SEL1L3: variants seen among roughly 807,000 people sequenced by gnomAD.
SEL1L3 encodes the protein SEL1L family member 3.
In SEL1L3, 76 loss-of-function variants were observed where a neutral mutation model predicts 142.8. The observed-to-expected ratio is 0.53, with a 90% CI of 0.44 to 0.64. The LOEUF (loss-of-function observed/expected upper bound fraction) is 0.64. Ranked by LOEUF, SEL1L3 falls within the 30% of genes least tolerant of loss-of-function variation. The pLI is 0.00. For synonymous variants in SEL1L3, 504 were observed against 519.6 expected (o/e 0.97, Z 0.41); for missense variants, 1,262 against 1,381.7 (o/e 0.91, Z 1.37).
At chr4:25,754,439 C>T (rs923788969) in intron 23 of SEL1L3, among the ~76,000 whole-genome samples, 2 of 151,184 alleles carry the variant, frequency 1.3e-5, no homozygotes, top group Admixed American at 1.3e-4. Flanking sequence ...ACCTCCGTCT[C>T]CGGGGTTCAA....
intron 17 of SEL1L3, chr4:25,773,598 A>G (rs1487535885): frequency 6.6e-6 from 1 of 152,126 alleles, no homozygotes; most frequent in Non-Finnish European, 1.5e-5. Context: ...TTTGATAAGC[A>G]TCTAAGAAAC....
intron 6 of SEL1L3, among the ~76,000 whole-genome samples, chr4:25,829,378 T>A (rs1448165543): frequency 6.6e-6 from 1 of 152,258 alleles, no homozygotes; most frequent in Non-Finnish European, 1.5e-5. Flanking sequence ...ACAAAATGCA[T>A]TTATTACCCC....
the SEL1L3 span, among the ~76,000 whole-genome samples, chr4:25,739,790 G>C: frequency 2.0e-5 from 3 of 147,094 alleles, no homozygotes; most frequent in African/African-American, 7.9e-5. Flanking sequence ...GTGTGTGTGT[G>C]TGTAGAAACA....
the SEL1L3 span, among the ~76,000 whole-genome samples, chr4:25,735,159 A>G: frequency 6.6e-6 from 1 of 152,114 alleles, no homozygotes; most frequent in Non-Finnish European, 1.5e-5. Flanking sequence ...ATAGATTTTA[A>G]CTATGAATTC....
the SEL1L3 span, among the ~76,000 whole-genome samples, chr4:25,733,325 C>T: frequency 2.0e-5 from 3 of 151,922 alleles, no homozygotes; most frequent in Non-Finnish European, 1.5e-5. Context: ...TTTTAGAATA[C>T]AGGTCTTGTA....
intron 16 of SEL1L3, 121 bp from the exon 17 acceptor site, chr4:25,776,481 A>C (rs780485550): frequency 7.3e-6 from 5 of 683,928 alleles, no homozygotes; most frequent in Non-Finnish European, 1.3e-5. Context: ...ATTTTTATAG[A>C]GCAACAAACC....
At chr4:25,786,328 G>A (rs570780746) in intron 13 of SEL1L3, among the ~76,000 whole-genome samples, 11 of 152,240 alleles carry the variant, frequency 7.2e-5, no homozygotes, top group African/African-American at 2.6e-4. Flanking sequence ...AGCCACAGGC[G>A]GAAATCTTCC....
intron 19 of SEL1L3, among the ~76,000 whole-genome samples, chr4:25,766,294 G>T (rs1218947202): frequency 6.6e-6 from 1 of 152,032 alleles, no homozygotes; most frequent in South Asian, 2.1e-4. Context: ...ACAGAAATTA[G>T]CCAGGAATGG....
intron 11 of SEL1L3, among the ~76,000 whole-genome samples, chr4:25,798,729 G>A (rs2109212278): frequency 6.6e-6 from 1 of 152,338 alleles, no homozygotes; most frequent in East Asian, 1.9e-4. Flanking sequence ...TCGGGAGGCT[G>A]AGGCAGGAGG....
intron 23 of SEL1L3, among the ~76,000 whole-genome samples, chr4:25,753,737 A>G (rs1208506035): frequency 6.6e-6 from 1 of 152,178 alleles, no homozygotes; most frequent in African/African-American, 2.4e-5. Flanking sequence ...TAGTCCCAGC[A>G]CTTTGGGAGT....
intron 1 of SEL1L3, among the ~76,000 whole-genome samples, chr4:25,857,514 A>G (rs1035008864): frequency 5.3e-5 from 8 of 152,188 alleles, no homozygotes; most frequent in African/African-American, 1.9e-4. Context: ...TCCACCTCTC[A>G]CATGGGACCT....
chr4:25,765,324 A>T lies in SEL1L3; in HGVS notation c.2955+2T>A. On this transcript the variant is annotated splice_donor_variant, in intron 20 of 23. Coordinates refer to ENST00000399878, the MANE Select transcript of SEL1L3 (RefSeq NM_015187.5). LOFTEE classifies it high-confidence loss of function. ...CTGGTTTTTGTTGCGGTTGCTGTTTACCTGGGAGTCTCCATCCAGGGCGGC... is the reference window on the plus strand; with the variant it reads ...CTGGTTTTTGTTGCGGTTGCTGTTTTCCTGGGAGTCTCCATCCAGGGCGGC... 6.3e-7 allele frequency: 1 copy of T among 1,599,148 alleles called. No homozygotes were observed. The highest frequency in any genetic ancestry group is 8.6e-7 in the Non-Finnish European group (1 of 1,166,772).
chr4:25,745,670 A>G (rs890184363), downstream of SEL1L3, among the ~76,000 whole-genome samples: 1 of 152,248 alleles, frequency 6.6e-6, no homozygotes, highest in African/African-American at 2.4e-5. Context: ...GATGCTGTTT[A>G]GCATCTACAA....
intron 9 of SEL1L3, among the ~76,000 whole-genome samples, chr4:25,815,725 G>A (rs998866689): frequency 2.6e-5 from 4 of 152,046 alleles, no homozygotes; most frequent in Non-Finnish European, 4.4e-5. Flanking sequence ...ACCATCCAAC[G>A]GAAACCTGGA....
intron 12 of SEL1L3, among the ~76,000 whole-genome samples, chr4:25,789,189 T>C (rs1393659263): frequency 6.6e-6 from 1 of 152,178 alleles, no homozygotes; most frequent in East Asian, 1.9e-4. Context: ...TCTCCTCTCA[T>C]CTCGTTCTCT....
chr4:25,731,706 A>G, the SEL1L3 span, among the ~76,000 whole-genome samples: 1 of 152,144 alleles, frequency 6.6e-6, no homozygotes, highest in Non-Finnish European at 1.5e-5. Flanking sequence ...GTATGAATAT[A>G]CCATAATTTT....
intron 11 of SEL1L3, among the ~76,000 whole-genome samples, chr4:25,800,725 A>AT (rs1410957651): frequency 4.6e-5 from 7 of 152,256 alleles, no homozygotes; most frequent in African/African-American, 1.7e-4. Flanking sequence ...TAAATTATAC[A>AT]GACAGAAAAT....
At chr4:25,760,415 A>C (rs576093935) in intron 20 of SEL1L3, among the ~76,000 whole-genome samples, 8 of 152,190 alleles carry the variant, frequency 5.3e-5, no homozygotes, top group Admixed American at 6.5e-5. Context: ...AGAACGATTT[A>C]TATTCCTTTG....
intron 17 of SEL1L3, among the ~76,000 whole-genome samples, chr4:25,774,947 G>A (rs562961816): frequency 1.3e-5 from 2 of 152,294 alleles, no homozygotes; most frequent in East Asian, 1.9e-4. Flanking sequence ...GGGTGGGTTG[G>A]GGAGGAGTGT....
Sources: allele counts gnomAD v4.1 joint callset (sites outside exome capture counted in the v4.1 genomes callset), GRCh38; gene constraint gnomAD v4.1.1; transcripts MANE v1.5; gene names NCBI Gene and HGNC (gene_info 2026-07-23, HGNC 2026-07-21).